SYNPO2: variants seen among roughly 807,000 people sequenced by gnomAD.
SYNPO2 encodes the protein synaptopodin-2.
In SYNPO2, 56 loss-of-function variants were observed where a neutral mutation model predicts 85.0. That is an observed-to-expected ratio of 0.66 (90% CI 0.53 to 0.82). SYNPO2 has a LOEUF of 0.82. SYNPO2 is among the 40% of genes least tolerant of loss of function. SYNPO2 has a pLI of 0.00. For synonymous variants in SYNPO2, 602 were observed against 591.1 expected (o/e 1.02, Z -0.27); for missense variants, 1,575 against 1,534.2 (o/e 1.03, Z -0.44).
At chr4:119,033,941 T>G (rs1410972014) in intron 4 of SYNPO2, 1 of 985,322 alleles carries the variant, frequency 1.0e-6, no homozygotes, top group African/African-American at 1.7e-5. Flanking sequence ...ATGGGGCTGA[T>G]TCTTCTGCTT....
chr4:119,031,967 ATCT>A lies in SYNPO2; in HGVS notation c.3194_3196del (p.Ser1065del). 1 of 1,614,206 alleles carries A rather than the reference ATCT, an allele frequency of 6.2e-7. No individual in the cohort carries two copies. Among genetic ancestry groups the A allele is most frequent in the Non-Finnish European group, 8.5e-7 (1 of 1,180,046 alleles). On this transcript the variant is annotated inframe_deletion, in exon 4 of 5. Coordinates refer to ENST00000307142, the MANE Select transcript of SYNPO2 (RefSeq NM_133477.3). Reference sequence around the variant, plus strand: ...CGCCAAAGCAAGAATCAGCCTCATCATCTTATTTTGTGGCACCAAGGCCAAAGT... The same window carrying A: ...CGCCAAAGCAAGAATCAGCCTCATCATATTTTGTGGCACCAAGGCCAAAGT...
chr4:118,967,202 A>G (rs769426092), intron 1 of SYNPO2, among the ~76,000 whole-genome samples: 31 of 152,054 alleles, frequency 2.0e-4, no homozygotes, highest in African/African-American at 7.0e-4. Flanking sequence ...CTCCCACTCT[A>G]TACTGCCCAT....
intron 1 of SYNPO2, among the ~76,000 whole-genome samples, chr4:118,860,853 CCTGA>C (rs977147208): frequency 1.2e-4 from 18 of 152,236 alleles, no homozygotes; most frequent in South Asian, 2.1e-4. Flanking sequence ...CTGTGCCCAG[CCTGA>C]CTATTTTTAA....
intron 1 of SYNPO2, among the ~76,000 whole-genome samples, chr4:118,897,060 G>A (rs958077808): frequency 6.6e-5 from 10 of 152,138 alleles, no homozygotes; most frequent in African/African-American, 1.9e-4. Context: ...TTGAGACTGG[G>A]TAATTTATAA....
chr4:118,891,016 T>C (rs965254433), intron 1 of SYNPO2, among the ~76,000 whole-genome samples: 3 of 152,102 alleles, frequency 2.0e-5, no homozygotes, highest in Non-Finnish European at 2.9e-5. Flanking sequence ...ACGATTTCAA[T>C]GTGGGACCTC....
At chr4:118,942,662 T>C (rs1734354890) in intron 1 of SYNPO2, among the ~76,000 whole-genome samples, 1 of 152,170 alleles carries the variant, frequency 6.6e-6, no homozygotes, top group South Asian at 2.1e-4. Context: ...GGTTCTTTAC[T>C]GGGGATAATG....
At chr4:118,999,716 G>C (rs1342957554) in intron 1 of SYNPO2, among the ~76,000 whole-genome samples, 1 of 152,094 alleles carries the variant, frequency 6.6e-6, no homozygotes, top group Non-Finnish European at 1.5e-5. Context: ...AGAATAATCA[G>C]GTGAAGGGCT....
intron 1 of SYNPO2, among the ~76,000 whole-genome samples, chr4:118,880,104 T>G (rs1302746958): frequency 6.6e-6 from 1 of 152,218 alleles, no homozygotes; most frequent in African/African-American, 2.4e-5. Flanking sequence ...CTTCTTTTCC[T>G]GCTCAGCAAA....
At chr4:118,879,827 TGTTGGCGGG>T (rs1353028710) in intron 1 of SYNPO2, among the ~76,000 whole-genome samples, 2 of 152,040 alleles carry the variant, frequency 1.3e-5, no homozygotes, top group East Asian at 1.9e-4. Context: ...GGCTGAAGAA[TGTTGGCGGG>T]GTTGGCAGCC....
chr4:118,870,369 A>G (rs892979728), intron 1 of SYNPO2, among the ~76,000 whole-genome samples: 10 of 152,214 alleles, frequency 6.6e-5, no homozygotes, highest in Non-Finnish European at 8.8e-5. Flanking sequence ...AGATTTATTA[A>G]GCAGTTGTTA....
At chr4:118,941,785 C>G (rs1734320358) in intron 1 of SYNPO2, among the ~76,000 whole-genome samples, 1 of 152,210 alleles carries the variant, frequency 6.6e-6, no homozygotes, top group South Asian at 2.1e-4. Flanking sequence ...GGCAGCCCCA[C>G]TATGCAGACC....
chr4:118,957,110 C>A (rs558451062), intron 1 of SYNPO2, among the ~76,000 whole-genome samples: 1 of 152,010 alleles, frequency 6.6e-6, no homozygotes, highest in Admixed American at 6.6e-5. Flanking sequence ...TATGGACTTG[C>A]ATTATAAACC....
intron 1 of SYNPO2, among the ~76,000 whole-genome samples, chr4:119,018,098 G>A (rs908279939): frequency 6.6e-6 from 1 of 152,020 alleles, no homozygotes; most frequent in Non-Finnish European, 1.5e-5. Flanking sequence ...ATTTCCCCGA[G>A]AAGTCTTAAC....
chr4:118,983,260 T>A (rs1389475096), intron 1 of SYNPO2, among the ~76,000 whole-genome samples: 1 of 152,090 alleles, frequency 6.6e-6, no homozygotes. Flanking sequence ...CTTTTCAACC[T>A]TTTCCTCTGT....
chr4:118,928,100 A>G (rs1030715026), intron 1 of SYNPO2, among the ~76,000 whole-genome samples: 4 of 152,180 alleles, frequency 2.6e-5, no homozygotes, highest in Non-Finnish European at 5.9e-5. Flanking sequence ...GGAGCTTTCA[A>G]ACAAGCCTAG....
intron 1 of SYNPO2, among the ~76,000 whole-genome samples, chr4:118,883,650 C>G (rs994408715): frequency 1.3e-5 from 2 of 151,502 alleles, no homozygotes; most frequent in African/African-American, 4.8e-5. Flanking sequence ...AGAGTTAGTC[C>G]CAGAAGACCA....
intron 4 of SYNPO2, chr4:119,034,131 A>G (rs1738399408): frequency 1.0e-6 from 1 of 985,486 alleles, no homozygotes; most frequent in African/African-American, 1.7e-5. Context: ...GTTCCCTGCA[A>G]AGGAAATCTG....
intron 4 of SYNPO2, chr4:119,033,465 A>G (rs540962960): frequency 2.4e-5 from 24 of 985,432 alleles, no homozygotes; most frequent in Admixed American, 6.1e-5. Flanking sequence ...TCTCAGATCT[A>G]TTTTAAGTCT....
intron 4 of SYNPO2, chr4:119,042,237 A>T (rs1310701383): frequency 2.0e-5 from 3 of 149,076 alleles, no homozygotes; most frequent in South Asian, 2.2e-4. Context: ...TTCTTTTTTT[A>T]AAAAAGACAA....
Sources: gnomAD v4.1 joint callset for allele counts (sites outside exome capture counted in the v4.1 genomes callset) on GRCh38, gnomAD v4.1.1 for gene constraint, MANE v1.5 for transcripts, NCBI Gene and HGNC (gene_info 2026-07-23, HGNC 2026-07-21) for gene names.